Variants in ATP6V1D observed in about 807,000 individuals in gnomAD.
ATP6V1D encodes ATPase H+ transporting V1 subunit D, also known as V-type proton ATPase subunit D.
Under a neutral mutation model 39.4 loss-of-function variants are expected in ATP6V1D, and 20 were observed. The ratio of observed to expected loss-of-function variants is 0.51; its 90% confidence interval spans 0.36 to 0.74. The LOEUF is 0.74. Among genes scored for constraint, ATP6V1D ranks in the 30% least tolerant of loss-of-function variants. The pLI is 0.00. For synonymous variants in ATP6V1D, 100 were observed against 100.5 expected, an observed-to-expected ratio of 0.99 and a Z score of 0.03; for missense variants, 228 against 291.6, an observed-to-expected ratio of 0.78 and a Z score of 1.59.
rs1001005959 is a variant in ATP6V1D at position 67,338,431 on chromosome 14, T to C, written c.*190A>G. The C allele has an allele frequency of 4.6e-5, 28 of 604,014 alleles. No homozygotes were observed. Among genetic ancestry groups the C allele is most frequent in the Middle Eastern group, 4.3e-4 (1 of 2,316 alleles). The allele number at this position is 604,014 out of a possible 1,614,324, so 37.4% of individuals were successfully genotyped here. ...TCCTGGGCAGGTTTTACAGATCTCT[T>C]TCATCCATGATAAATGGTTGCTAAA... On this transcript the variant is annotated 3_prime_UTR_variant, in exon 9 of 9. Coordinates refer to ENST00000216442, the MANE Select transcript of ATP6V1D (RefSeq NM_015994.4).
chr14:67,348,931 GTAGAAGGAAGAAAC>G, intron 4 of ATP6V1D, 92 bp downstream of exon 4: 1 of 1,063,572 alleles, frequency 9.4e-7, no homozygotes, highest in East Asian at 2.5e-5. Flanking sequence ...CTTGTTCTAA[GTAGAAGGAAGAAAC>G]TAGGACATTA....
intron 7 of ATP6V1D, among the ~76,000 whole-genome samples, chr14:67,342,280 G>A (rs1033679287): frequency 4.6e-5 from 7 of 150,708 alleles, no homozygotes; most frequent in African/African-American, 7.3e-5. Context: ...ATCCAAAAGA[G>A]TAACTACTGT....
At chr14:67,357,392 A>G (rs571881364) in intron 1 of ATP6V1D, among the ~76,000 whole-genome samples, 4 of 152,228 alleles carry the variant, frequency 2.6e-5, no homozygotes, top group Non-Finnish European at 5.9e-5. Flanking sequence ...CTACATGACA[A>G]AAAGCCTGCT....
intron 1 of ATP6V1D, among the ~76,000 whole-genome samples, chr14:67,358,041 A>T (rs2085697357): frequency 6.6e-6 from 1 of 152,136 alleles, no homozygotes; most frequent in Admixed American, 6.5e-5. Context: ...GTTGACTAGA[A>T]CAAACAGTAA....
intron 2 of ATP6V1D, among the ~76,000 whole-genome samples, chr14:67,351,280 T>C (rs1202433379): frequency 6.6e-6 from 1 of 152,168 alleles, no homozygotes; most frequent in Non-Finnish European, 1.5e-5. Context: ...CTCTACTGTC[T>C]ATACAGTACA....
chr14:67,344,434 A>G (rs1404577517), intron 6 of ATP6V1D, among the ~76,000 whole-genome samples: 1 of 152,234 alleles, frequency 6.6e-6, no homozygotes, highest in Non-Finnish European at 1.5e-5. Flanking sequence ...CCTAAATAAC[A>G]ACATAAAAAT....
Position 67,338,660 on chromosome 14 carries a change from AAGATTAGCAGGCTCCAAC to A in ATP6V1D, c.687_704del (p.Glu231_Leu236del). 1 of 1,614,110 alleles carries A rather than the reference AAGATTAGCAGGCTCCAAC, an allele frequency of 6.2e-7. No homozygotes were observed. Among genetic ancestry groups the A allele is most frequent in the Non-Finnish European group, 8.5e-7 (1 of 1,179,978 alleles). ...GATCCTCGTCCTTCTCTTCAGCCAGAAGATTAGCAGGCTCCAACACCTCTCCAGCTGCTCTCCTTTGCT... is the reference window on the plus strand; with the variant it reads ...GATCCTCGTCCTTCTCTTCAGCCAGAACCTCTCCAGCTGCTCTCCTTTGCT... On this transcript the variant is annotated inframe_deletion, in exon 9 of 9. Coordinates refer to ENST00000216442, the MANE Select transcript of ATP6V1D (RefSeq NM_015994.4).
intron 7 of ATP6V1D, 111 bp from the exon 8 acceptor site, chr14:67,340,629 A>G (rs570190622): frequency 2.3e-6 from 2 of 886,040 alleles, no homozygotes; most frequent in African/African-American, 1.7e-5. Flanking sequence ...ATTAATGTGC[A>G]TTTAATGCAG....
Position 67,345,751 on chromosome 14 carries a change from G to C in ATP6V1D, c.456+17C>G. 6.4e-7 allele frequency: 1 copy of C among 1,565,138 alleles called. No individual in the cohort carries two copies. Among genetic ancestry groups the C allele is most frequent in the Non-Finnish European group, 8.8e-7 (1 of 1,135,680 alleles). ...CAAATCAAACTACAGGAGTTCTCCAGGTCTTTTGCTACTTACCTGCAGAGA... is the reference window on the plus strand; with the variant it reads ...CAAATCAAACTACAGGAGTTCTCCACGTCTTTTGCTACTTACCTGCAGAGA... On this transcript the variant is annotated intron_variant, in intron 6 of 8. Coordinates refer to ENST00000216442, the MANE Select transcript of ATP6V1D (RefSeq NM_015994.4).
intron 3 of ATP6V1D, 149 bp downstream of exon 3, chr14:67,350,462 A>G (rs1400940547): frequency 1.1e-5 from 6 of 567,902 alleles, no homozygotes; most frequent in Non-Finnish European, 1.8e-5. Flanking sequence ...AGTGGAGTTA[A>G]GGTGATGGGG....
At chr14:67,347,498 C>CTTT in intron 4 of ATP6V1D, 45 bp from the exon 5 acceptor site, 1 of 1,292,310 alleles carries the variant, frequency 7.7e-7, no homozygotes, top group East Asian at 2.8e-5. Context: ...CCTTTAAGTT[C>CTTT]TCTCTTTTTT....
intron 8 of ATP6V1D, 21 bp from the exon 9 acceptor site, chr14:67,338,783 T>G (rs745931067): frequency 1.3e-6 from 2 of 1,596,068 alleles, no homozygotes; most frequent in South Asian, 2.3e-5. Flanking sequence ...CAGGTGGGGG[T>G]GGATTTTTTA....
intron 4 of ATP6V1D, 83 bp from the exon 5 acceptor site, chr14:67,347,536 T>C: frequency 8.0e-7 from 1 of 1,244,164 alleles, no homozygotes; most frequent in Non-Finnish European, 1.1e-6. Context: ...AGTTTTGCTC[T>C]TGTCGCCGAG....
chr14:67,351,778 C>T (rs1449761432), intron 2 of ATP6V1D, among the ~76,000 whole-genome samples: 1 of 151,988 alleles, frequency 6.6e-6, no homozygotes, highest in Non-Finnish European at 1.5e-5. Flanking sequence ...ACCTCGGCCT[C>T]CCAAAGTGTT....
chr14:67,351,568 G>A (rs1172821816), intron 2 of ATP6V1D, among the ~76,000 whole-genome samples: 1 of 152,128 alleles, frequency 6.6e-6, no homozygotes, highest in Non-Finnish European at 1.5e-5. Context: ...GAGTACAGTG[G>A]TGTAATCATA....
intron 7 of ATP6V1D, among the ~76,000 whole-genome samples, chr14:67,341,392 G>A (rs1424511923): frequency 2.6e-5 from 4 of 151,642 alleles, no homozygotes; most frequent in Non-Finnish European, 5.9e-5. Context: ...GAGCCCCTCC[G>A]CCCGGCAGCC....
intron 8 of ATP6V1D, chr14:67,340,136 C>A: frequency 3.9e-6 from 1 of 258,010 alleles, no homozygotes; most frequent in Non-Finnish European, 7.6e-6. Context: ...CCTTGTTCTA[C>A]TCTTTCCCCA....
chr14:67,357,431 G>C (rs1449008518), intron 1 of ATP6V1D, among the ~76,000 whole-genome samples: 1 of 152,204 alleles, frequency 6.6e-6, no homozygotes, highest in Admixed American at 6.5e-5. Flanking sequence ...ATTTAGAGAA[G>C]AGATTATTTC....
At chr14:67,347,502 CTT>C (rs71129819) in intron 4 of ATP6V1D, 49 bp from the exon 5 acceptor site, 794 of 1,108,028 alleles carry the variant, frequency 7.2e-4, no homozygotes, top group Non-Finnish European at 7.6e-4. Context: ...TAAGTTCTCT[CTT>C]TTTTTTTTTT....
Sources: gnomAD v4.1 joint callset for allele counts (sites outside exome capture counted in the v4.1 genomes callset) on GRCh38, gnomAD v4.1.1 for gene constraint, MANE v1.5 for transcripts, NCBI Gene and HGNC (gene_info 2026-07-23, HGNC 2026-07-21) for gene names.